Variants in NKAIN2 observed in about 807,000 individuals in gnomAD.
The protein encoded by NKAIN2 is sodium/potassium-transporting ATPase subunit beta-1-interacting protein 2.
Under a neutral mutation model 32.6 loss-of-function variants are expected in NKAIN2, and 14 were observed. That is an observed-to-expected ratio of 0.43 (90% CI 0.28 to 0.67). The LOEUF is 0.67. NKAIN2 is among the 30% of genes least tolerant of loss of function. NKAIN2 has a pLI of 0.17. For synonymous variants in NKAIN2, 80 were observed against 87.2 expected (o/e 0.92, Z 0.46); for missense variants, 198 against 258.3 (o/e 0.77, Z 1.60).
At chr6:124,201,720 T>G (rs186659366) in intron 1 of NKAIN2, among the ~76,000 whole-genome samples, 289 of 152,148 alleles carry the variant, frequency 1.9e-3, no homozygotes, top group Middle Eastern at 0.01. Context: ...TTCACGTCCT[T>G]TCAAACATGT....
chr6:124,774,875 A>AC (rs1344391625), intron 4 of NKAIN2, among the ~76,000 whole-genome samples: 12 of 151,566 alleles, frequency 7.9e-5, no homozygotes, highest in Non-Finnish European at 1.8e-4. Context: ...AAAAAAAAAA[A>AC]AGATACTGTC....
intron 1 of NKAIN2, among the ~76,000 whole-genome samples, chr6:123,997,797 G>A (rs62435603): frequency 0.027 from 4,063 of 151,744 alleles, 75 homozygotes; most frequent in Non-Finnish European, 0.043. Flanking sequence ...TAGAGGCAGG[G>A]TTTCACCGTG....
intron 3 of NKAIN2, among the ~76,000 whole-genome samples, chr6:124,611,831 A>G (rs995420313): frequency 6.6e-6 from 1 of 152,176 alleles, no homozygotes; most frequent in East Asian, 1.9e-4. Flanking sequence ...GCCTTGAGGT[A>G]TACATGTCGG....
Position 124,823,292 on chromosome 6 carries a change from CT to C in NKAIN2, c.*64del. On this transcript the variant is annotated 3_prime_UTR_variant, in exon 7 of 7. Coordinates refer to ENST00000368417, the MANE Select transcript of NKAIN2 (RefSeq NM_001040214.3). ...AAAGAACTTTTTTCGCAGTGGCCTC[CT>C]GCATTTCATGAAGAGCAAGAAGCAA... is the stretch of plus-strand genomic sequence containing the variant. The C allele has an allele frequency of 8.8e-7, 1 of 1,140,860 alleles. No homozygotes were observed. The highest frequency in any genetic ancestry group is 1.3e-6 in the Non-Finnish European group (1 of 746,896). The allele number at this position is 1,140,860 out of a possible 1,614,324, so 70.7% of individuals were successfully genotyped here. A position where few individuals can be genotyped will look rare whatever the true frequency, so the allele number is the denominator to read the frequency against.
chr6:124,465,180 C>T (rs917851105), intron 3 of NKAIN2, among the ~76,000 whole-genome samples: 3 of 152,026 alleles, frequency 2.0e-5, no homozygotes, highest in African/African-American at 7.2e-5. Context: ...GACACATGCA[C>T]ATGTATGTTT....
intron 1 of NKAIN2, among the ~76,000 whole-genome samples, chr6:124,151,900 CTT>C (rs554455936): frequency 3.3e-5 from 5 of 151,788 alleles, no homozygotes; most frequent in Non-Finnish European, 7.4e-5. Flanking sequence ...AGATACAACT[CTT>C]TATATTTTTT....
chr6:124,593,227 T>TG (rs1781974493), intron 3 of NKAIN2, among the ~76,000 whole-genome samples: 2 of 103,940 alleles, frequency 1.9e-5, no homozygotes, highest in Non-Finnish European at 4.3e-5. Context: ...GTGTGTGTGT[T>TG]TGTGTGCGTG....
chr6:124,700,408 A>G (rs78876943), intron 4 of NKAIN2, among the ~76,000 whole-genome samples: 396 of 152,298 alleles, frequency 2.6e-3, no homozygotes, highest in African/African-American at 9.2e-3. Context: ...ACTTTTTGCC[A>G]AAGCAAGAGG....
chr6:124,725,697 G>T (rs1403375877), intron 4 of NKAIN2, among the ~76,000 whole-genome samples: 1 of 152,180 alleles, frequency 6.6e-6, no homozygotes, highest in Non-Finnish European at 1.5e-5. Flanking sequence ...TGTGGAAGCA[G>T]AGAGGAGCCA....
intron 3 of NKAIN2, among the ~76,000 whole-genome samples, chr6:124,521,026 G>A (rs1048876030): frequency 6.6e-6 from 1 of 152,088 alleles, no homozygotes; most frequent in Non-Finnish European, 1.5e-5. Flanking sequence ...TAGCTTTTTT[G>A]TTGTTGTTGG....
At chr6:124,396,052 A>G (rs1024870969) in intron 3 of NKAIN2, among the ~76,000 whole-genome samples, 1 of 152,132 alleles carries the variant, frequency 6.6e-6, no homozygotes, top group Non-Finnish European at 1.5e-5. Context: ...TATAACTTCC[A>G]TGGTACTTTG....
At chr6:124,132,988 G>T (rs1786554787) in intron 1 of NKAIN2, among the ~76,000 whole-genome samples, 1 of 152,198 alleles carries the variant, frequency 6.6e-6, no homozygotes, top group Admixed American at 6.6e-5. Context: ...CTTTTGGCTG[G>T]TGAGTCATTT....
At chr6:124,270,966 C>T (rs939296131) in intron 1 of NKAIN2, among the ~76,000 whole-genome samples, 1 of 152,100 alleles carries the variant, frequency 6.6e-6, no homozygotes, top group Admixed American at 6.5e-5. Flanking sequence ...AATTGTAATC[C>T]GCATGTGTTA....
At chr6:124,717,172 A>G in intron 4 of NKAIN2, among the ~76,000 whole-genome samples, 1 of 152,212 alleles carries the variant, frequency 6.6e-6, no homozygotes. Context: ...TTAAAATGGG[A>G]TTTTAAAAAA....
At chr6:124,664,302 T>C (rs904946963) in intron 4 of NKAIN2, among the ~76,000 whole-genome samples, 8 of 150,862 alleles carry the variant, frequency 5.3e-5, no homozygotes, top group Non-Finnish European at 7.4e-5. Flanking sequence ...AAAAAAGAAA[T>C]TCATATCAAA....
intron 1 of NKAIN2, among the ~76,000 whole-genome samples, chr6:124,020,445 T>G (rs1235778280): frequency 6.6e-6 from 1 of 152,142 alleles, no homozygotes; most frequent in Non-Finnish European, 1.5e-5. Flanking sequence ...CTTCTGTGTT[T>G]GTACCTTCAG....
At chr6:124,575,999 C>A (rs2114928819) in intron 3 of NKAIN2, among the ~76,000 whole-genome samples, 1 of 152,282 alleles carries the variant, frequency 6.6e-6, no homozygotes. Context: ...TGGCACTAAA[C>A]TGAACTGTTG....
At chr6:124,730,451 C>A (rs1583748288) in intron 4 of NKAIN2, among the ~76,000 whole-genome samples, 1 of 102,840 alleles carries the variant, frequency 9.7e-6, no homozygotes, top group Non-Finnish European at 2.0e-5. Flanking sequence ...GAAAAACAAG[C>A]AATGGGGAAA....
chr6:123,935,059 A>G (rs139248113), intron 1 of NKAIN2, among the ~76,000 whole-genome samples: 15 of 147,426 alleles, frequency 1.0e-4, no homozygotes, highest in African/African-American at 3.7e-4. Flanking sequence ...TATATATTAT[A>G]TATATATTTC....
Sources: gnomAD v4.1 joint callset for allele counts (sites outside exome capture counted in the v4.1 genomes callset) on GRCh38, gnomAD v4.1.1 for gene constraint, MANE v1.5 for transcripts, NCBI Gene and HGNC (gene_info 2026-07-23, HGNC 2026-07-21) for gene names.